Variants in RAPGEF4 observed in about 807,000 individuals in gnomAD.
RAPGEF4 encodes the protein Rap guanine nucleotide exchange factor 4.
In RAPGEF4, 66 loss-of-function variants were observed where a neutral mutation model predicts 147.9. The ratio of observed to expected loss-of-function variants is 0.45; its 90% CI spans 0.37 to 0.55. The LOEUF is 0.55. Among genes scored for constraint, RAPGEF4 ranks in the 20% least tolerant of loss-of-function variants. The probability of loss-of-function intolerance (pLI) is 0.00; values close to 1 mark genes in which losing one functional copy is unlikely to be tolerated. For missense variants in RAPGEF4, 1,071 were observed against 1,257.3 expected, an observed-to-expected ratio of 0.85 and a Z score of 2.24; for synonymous variants, 419 against 442.7, an observed-to-expected ratio of 0.95 and a Z score of 0.67.
At chr2:172,846,651 C>G (rs1490602979) in intron 4 of RAPGEF4, among the ~76,000 whole-genome samples, 2 of 152,176 alleles carry the variant, frequency 1.3e-5, no homozygotes, top group Admixed American at 1.3e-4. Context: ...GAATAGCCCT[C>G]ATGGTGAACC....
chr2:172,744,748 C>G (rs1487173666), intron 1 of RAPGEF4, among the ~76,000 whole-genome samples: 1 of 151,962 alleles, frequency 6.6e-6, no homozygotes, highest in Admixed American at 6.5e-5. Flanking sequence ...AATGGATGCT[C>G]TTGTTTTGGT....
intron 2 of RAPGEF4, among the ~76,000 whole-genome samples, chr2:172,797,091 A>G (rs1007538030): frequency 6.6e-6 from 1 of 152,234 alleles, no homozygotes; most frequent in Non-Finnish European, 1.5e-5. Context: ...ATGGACAATG[A>G]TAATATAGTA....
chr2:172,925,274 C>T (rs1685173004), intron 6 of RAPGEF4, among the ~76,000 whole-genome samples: 1 of 152,218 alleles, frequency 6.6e-6, no homozygotes. Flanking sequence ...CCACCACACC[C>T]AGCCACCATG....
At chr2:172,808,046 C>T (rs1487355152) in intron 3 of RAPGEF4, among the ~76,000 whole-genome samples, 1 of 152,122 alleles carries the variant, frequency 6.6e-6, no homozygotes. Context: ...ATCAGAATAC[C>T]TATAACTTGT....
intron 3 of RAPGEF4, among the ~76,000 whole-genome samples, chr2:172,809,645 C>T (rs1382241144): frequency 6.6e-6 from 1 of 152,116 alleles, no homozygotes; most frequent in Non-Finnish European, 1.5e-5. Context: ...ATCCTCCTGC[C>T]TCACCCTCTT....
In RAPGEF4 at chr2:172,913,687, T is replaced by C. The variant is rs368624118; in HGVS notation, c.445-4115T>C. On this transcript the variant is annotated intron_variant, in intron 4 of 30. Coordinates refer to ENST00000397081, the MANE Select transcript of RAPGEF4 (RefSeq NM_007023.4). ...TGTTTTGATTGTTTGTATGGTTTTT[T>C]GTTTTGTTTGTTTGCTTGATGTCTT... Among the ~76,000 whole-genome samples the C allele has an allele frequency of 4.6e-5, 7 of 152,242 alleles. No homozygotes were observed. The East Asian group carries it at 9.6e-4, about 21-fold the overall frequency.
intron 4 of RAPGEF4, among the ~76,000 whole-genome samples, chr2:172,906,664 C>G (rs1157937102): frequency 1.3e-5 from 2 of 152,172 alleles, no homozygotes; most frequent in Non-Finnish European, 2.9e-5. Flanking sequence ...CCACTCTGGC[C>G]TGCCTGGTGG....
intron 11 of RAPGEF4, among the ~76,000 whole-genome samples, chr2:172,983,828 G>A (rs1160650409): frequency 1.3e-5 from 2 of 152,110 alleles, no homozygotes; most frequent in East Asian, 1.9e-4. Flanking sequence ...ATGTGAGTAG[G>A]GTTGGAACAT....
At chr2:172,988,329 C>G (rs1692481866) in intron 13 of RAPGEF4, 57 bp downstream of exon 13, 3 of 1,557,898 alleles carry the variant, frequency 1.9e-6, no homozygotes, top group Non-Finnish European at 2.6e-6. Context: ...TAGTGTGGCT[C>G]TAAGTATTAG....
rs1697055679 is a variant in RAPGEF4, at chr2:173,030,209, G to A, written c.2604G>A (p.Met868Ile). 2 of 1,613,800 alleles carry A rather than the reference G, an allele frequency of 1.2e-6. No homozygotes were observed. Among genetic ancestry groups the A allele is most frequent in the Non-Finnish European group, 1.7e-6 (2 of 1,179,692 alleles). The change falls in exon 26 of 31, where the codon ATG becomes ATA. Residue 868 changes from methionine (M) to isoleucine (I), a missense_variant. Physicochemically the swap from Met to Ile is conservative, Grantham distance 10. Transcript: ENST00000397081. ...TGAATTCCTTTTTTGCCATCGTCATGGGACTAAGTAACGTTGCTGTGAGCC... is the reference window on the plus strand; with the variant it reads ...TGAATTCCTTTTTTGCCATCGTCATAGGACTAAGTAACGTTGCTGTGAGCC... ...KNLNSFFAIV[M>I]GLSNVAVSRL...
intron 15 of RAPGEF4, among the ~76,000 whole-genome samples, chr2:172,991,832 T>G (rs1692865070): frequency 6.6e-6 from 1 of 152,198 alleles, no homozygotes; most frequent in African/African-American, 2.4e-5. Context: ...ACTAAAAGTC[T>G]AAGGCCCAGA....
chr2:172,871,564 G>C (rs1380807737), intron 4 of RAPGEF4, among the ~76,000 whole-genome samples: 1 of 151,162 alleles, frequency 6.6e-6, no homozygotes, highest in Non-Finnish European at 1.5e-5. Context: ...ATGGAAATAA[G>C]GTTCCCATTT....
At chr2:172,917,280 A>G (rs528772978) in intron 4 of RAPGEF4, among the ~76,000 whole-genome samples, 66 of 152,380 alleles carry the variant, frequency 4.3e-4, no homozygotes, top group Non-Finnish European at 7.9e-4. Context: ...GAGGTCACAT[A>G]AACAGGCAGG....
chr2:172,870,383 T>C (rs1695106057), intron 4 of RAPGEF4, among the ~76,000 whole-genome samples: 1 of 152,218 alleles, frequency 6.6e-6, no homozygotes, highest in Non-Finnish European at 1.5e-5. Flanking sequence ...CCATCATGTC[T>C]TTTTTGAATA....
intron 6 of RAPGEF4, among the ~76,000 whole-genome samples, chr2:172,943,053 T>G (rs1156541505): frequency 6.6e-6 from 1 of 151,970 alleles, no homozygotes; most frequent in Non-Finnish European, 1.5e-5. Flanking sequence ...GCTTGAAGGT[T>G]GGGGAAGTCA....
intron 26 of RAPGEF4, among the ~76,000 whole-genome samples, chr2:173,032,837 C>G (rs73017600): frequency 0.077 from 11,707 of 152,258 alleles, 551 homozygotes; most frequent in Middle Eastern, 0.14. Flanking sequence ...TGCAGAGGCC[C>G]AATTGGTGAA....
intron 30 of RAPGEF4, among the ~76,000 whole-genome samples, chr2:173,049,935 G>A (rs1449736823): frequency 1.3e-5 from 2 of 152,178 alleles, no homozygotes; most frequent in Non-Finnish European, 2.9e-5. Flanking sequence ...CCAGCAGCGG[G>A]GATAAAAGGG....
At chr2:172,861,353 C>T (rs951033733) in intron 4 of RAPGEF4, among the ~76,000 whole-genome samples, 1 of 152,226 alleles carries the variant, frequency 6.6e-6, no homozygotes, top group Non-Finnish European at 1.5e-5. Flanking sequence ...CCACATGATG[C>T]TGTCCACATG....
At chr2:173,030,331 A>G in intron 26 of RAPGEF4, 77 bp downstream of exon 26, 1 of 1,141,708 alleles carries the variant, frequency 8.8e-7, no homozygotes, top group Non-Finnish European at 1.3e-6. Flanking sequence ...GCTTTTTAAT[A>G]GAAATATCAC....
Sources: allele counts gnomAD v4.1 joint callset (sites outside exome capture counted in the v4.1 genomes callset), GRCh38; gene constraint gnomAD v4.1.1; transcripts MANE v1.5; gene names NCBI Gene and HGNC (gene_info 2026-07-23, HGNC 2026-07-21).